The following TTLL11 variants were observed in gnomAD, a reference collection of about 807,000 sequenced individuals.
TTLL11 encodes the protein tubulin tyrosine ligase like 11.
In TTLL11, 42 loss-of-function variants were observed where a neutral mutation model predicts 51.7. That is an observed-to-expected ratio of 0.81 (90% CI 0.64 to 1.05). The LOEUF (loss-of-function observed/expected upper bound fraction) is 1.05. Ranked by LOEUF, TTLL11 falls within the 50% of genes least tolerant of loss-of-function variation. TTLL11 has a pLI of 0.00. For missense variants in TTLL11, 799 were observed against 940.4 expected (o/e 0.85, Z 1.97); for synonymous variants, 381 against 383.5 (o/e 0.99, Z 0.08).
At chr9:121,884,171 A>T (rs1838909125) in intron 6 of TTLL11, among the ~76,000 whole-genome samples, 1 of 152,096 alleles carries the variant, frequency 6.6e-6, no homozygotes, top group Non-Finnish European at 1.5e-5. Flanking sequence ...TCCCAGAGGG[A>T]CAGCCCTAAG....
At chr9:121,888,685 C>G (rs1279855462) in intron 6 of TTLL11, among the ~76,000 whole-genome samples, 1 of 152,256 alleles carries the variant, frequency 6.6e-6, no homozygotes, top group African/African-American at 2.4e-5. Flanking sequence ...TCAAATACCT[C>G]AACTACGAGC....
intron 1 of TTLL11, among the ~76,000 whole-genome samples, chr9:122,079,376 T>C (rs181185578): frequency 9.2e-5 from 14 of 152,256 alleles, no homozygotes; most frequent in Admixed American, 7.2e-4. Flanking sequence ...CCTCCCCCTT[T>C]TTTTTAACTC....
intron 1 of TTLL11, among the ~76,000 whole-genome samples, chr9:122,080,094 G>A (rs1447160571): frequency 6.6e-6 from 1 of 152,106 alleles, no homozygotes; most frequent in Non-Finnish European, 1.5e-5. Flanking sequence ...AGGCATAATG[G>A]CCACACCAAA....
At chr9:122,060,313 A>C (rs1845405426) in intron 1 of TTLL11, among the ~76,000 whole-genome samples, 1 of 152,246 alleles carries the variant, frequency 6.6e-6, no homozygotes. Context: ...ATAGTGATTC[A>C]CAATTTAATA....
At chr9:121,966,003 T>C (rs1225824439) in intron 6 of TTLL11, among the ~76,000 whole-genome samples, 1 of 152,218 alleles carries the variant, frequency 6.6e-6, no homozygotes, top group Non-Finnish European at 1.5e-5. Flanking sequence ...GATTCATCTA[T>C]TGGCACCAAA....
chr9:121,878,828 C>T (rs145061169), intron 6 of TTLL11, among the ~76,000 whole-genome samples: 21 of 152,274 alleles, frequency 1.4e-4, no homozygotes, highest in African/African-American at 3.6e-4. Flanking sequence ...GCCTGCAGCA[C>T]GGTCAGAGGC....
chr9:121,816,948 T>A lies in TTLL11; in HGVS notation c.*5639A>T, dbSNP rs748698542. The A allele has an allele frequency of 6.6e-6, 1 of 152,152 alleles. No homozygotes were observed. The highest frequency in any genetic ancestry group is 6.5e-5 in the Admixed American group (1 of 15,270). The allele number at this position is 152,152 out of a possible 1,614,324, so 9.4% of individuals were successfully genotyped here. On this transcript the variant is annotated 3_prime_UTR_variant, in exon 9 of 9. Transcript: ENST00000321582. Reference sequence around the variant, plus strand: ...ACCAAATGGGAGATTGGCAAAAATATCCATCAAGGTGAGGTGGATTTCAGG... The same window carrying A: ...ACCAAATGGGAGATTGGCAAAAATAACCATCAAGGTGAGGTGGATTTCAGG...
intron 8 of TTLL11, among the ~76,000 whole-genome samples, chr9:121,828,478 C>G (rs751811313): frequency 2.6e-5 from 4 of 152,076 alleles, no homozygotes; most frequent in African/African-American, 7.2e-5. Flanking sequence ...GCTGGCCACA[C>G]GGAACTTCAT....
intron 4 of TTLL11, among the ~76,000 whole-genome samples, chr9:121,988,479 C>G (rs1356135684): frequency 6.6e-6 from 1 of 152,038 alleles, no homozygotes; most frequent in Non-Finnish European, 1.5e-5. Context: ...TCAACCTCTT[C>G]CAGTGCCTCC....
chr9:121,851,806 T>C (rs78966592), intron 8 of TTLL11, among the ~76,000 whole-genome samples: 2,665 of 150,520 alleles, frequency 0.018, 81 homozygotes, highest in African/African-American at 0.062. Flanking sequence ...TGCTCCAGGC[T>C]GTGGGAGGAA....
chr9:121,971,746 GA>G (rs768215225), intron 6 of TTLL11, among the ~76,000 whole-genome samples: 1,088 of 97,864 alleles, frequency 0.011, 36 homozygotes, highest in Middle Eastern at 0.02. Flanking sequence ...TCTGCCTTGG[GA>G]AAAAAAAAAA....
intron 3 of TTLL11, among the ~76,000 whole-genome samples, chr9:121,999,670 T>C (rs1490936610): frequency 6.6e-6 from 1 of 152,184 alleles, no homozygotes; most frequent in Non-Finnish European, 1.5e-5. Context: ...CCCTGTGAGA[T>C]AGGCATTAAA....
At chr9:121,983,834 G>GT (rs1177678586) in intron 4 of TTLL11, among the ~76,000 whole-genome samples, 1 of 152,096 alleles carries the variant, frequency 6.6e-6, no homozygotes, top group African/African-American at 2.4e-5. Flanking sequence ...CAGGGACCTT[G>GT]TCTTATCCAT....
chr9:121,955,638 C>G (rs1266240047), intron 6 of TTLL11, among the ~76,000 whole-genome samples: 1 of 152,174 alleles, frequency 6.6e-6, no homozygotes, highest in Non-Finnish European at 1.5e-5. Flanking sequence ...CAAACCCAGG[C>G]CCACTGGACC....
Position 121,971,463 on chromosome 9 carries a change from G to A in TTLL11, c.1481+2546C>T, listed in dbSNP as rs1588165859. ...GGAGGTGGGGGGGGTCAGCCCCCCCGCCCGGCCAGCCGCCCCGTCCGGGAG... is the reference window on the plus strand; with the variant it reads ...GGAGGTGGGGGGGGTCAGCCCCCCCACCCGGCCAGCCGCCCCGTCCGGGAG... On this transcript the variant is annotated intron_variant, in intron 6 of 8. Transcript: ENST00000321582. Among the ~76,000 whole-genome samples the A allele has an allele frequency of 5.6e-5, 7 of 125,786 alleles. No homozygotes were observed. In the East Asian group the frequency reaches 6.9e-4, roughly 12 times the overall value. The allele number at this position is 125,786 out of a possible 152,430, so 82.5% of individuals were successfully genotyped here.
chr9:121,878,699 G>A (rs113318654), intron 6 of TTLL11, among the ~76,000 whole-genome samples: 44 of 152,320 alleles, frequency 2.9e-4, no homozygotes, highest in African/African-American at 9.6e-4. Context: ...ACGGATGAAG[G>A]AGCTGACAGC....
chr9:121,895,771 AG>A (rs1564293179), intron 6 of TTLL11, among the ~76,000 whole-genome samples: 8 of 268 alleles, frequency 0.03, 1 homozygote, highest in African/African-American at 0.095. Flanking sequence ...GTTTTGTGTT[AG>A]TGTGTGGGTG....
intron 3 of TTLL11, among the ~76,000 whole-genome samples, chr9:122,022,373 T>C (rs1490428807): frequency 6.6e-6 from 1 of 150,676 alleles, no homozygotes; most frequent in East Asian, 1.9e-4. Context: ...AAAGAAAAAA[T>C]ATTAAAAGCA....
chr9:121,825,844 TG>T (rs1274773696), intron 8 of TTLL11, among the ~76,000 whole-genome samples: 8 of 149,128 alleles, frequency 5.4e-5, no homozygotes, highest in African/African-American at 2.0e-4. Context: ...AGGGCCAATT[TG>T]GAAAAAAAAA....
Sources: allele counts gnomAD v4.1 joint callset (sites outside exome capture counted in the v4.1 genomes callset), GRCh38; gene constraint gnomAD v4.1.1; transcripts MANE v1.5; gene names NCBI Gene and HGNC (gene_info 2026-07-23, HGNC 2026-07-21).